Variants in TTC6 observed in about 807,000 individuals in gnomAD.
TTC6 encodes the protein tetratricopeptide repeat protein 6.
Under a neutral mutation model 210.4 loss-of-function variants are expected in TTC6, and 172 were observed. The observed-to-expected ratio is 0.82, with a 90% CI of 0.72 to 0.93. TTC6 has a LOEUF of 0.93. Ranked by LOEUF, TTC6 falls within the 40% of genes least tolerant of loss-of-function variation. TTC6 has a pLI of 0.00. For missense variants in TTC6, 2,414 were observed against 2,318.1 expected (o/e 1.04, Z -0.85); for synonymous variants, 804 against 819.6 (o/e 0.98, Z 0.32).
Position 37,831,915 on chromosome 14 carries a change from A to T in TTC6, c.5298+4549A>T, listed in dbSNP as rs549631188. Among the ~76,000 whole-genome samples, 17 of 152,190 alleles carry T rather than the reference A, an allele frequency of 1.1e-4. No individual in the cohort carries two copies. The South Asian group carries it at 2.9e-3, about 26-fold the overall frequency. ...CACCCTGTTGATTATTGCCATTCCT[A>T]TGCAGAAGCTTTTTCAGCTTGATAT... On this transcript the variant is annotated intron_variant, in intron 29 of 30. Transcript: ENST00000553443.
chr14:37,771,587 T>C (rs1166869413), intron 14 of TTC6, among the ~76,000 whole-genome samples: 1 of 152,206 alleles, frequency 6.6e-6, no homozygotes, highest in Non-Finnish European at 1.5e-5. Context: ...TTCTTCCAGT[T>C]GATTGCATTG....
At chr14:37,657,346 A>AT (rs1293942204) in intron 1 of TTC6, among the ~76,000 whole-genome samples, 3 of 131,854 alleles carry the variant, frequency 2.3e-5, no homozygotes, top group Admixed American at 2.2e-4. Flanking sequence ...GAAGCTTTCT[A>AT]TTTAAAAAAA....
chr14:37,773,424 G>C (rs922551998), intron 14 of TTC6, among the ~76,000 whole-genome samples: 4 of 152,052 alleles, frequency 2.6e-5, no homozygotes, highest in Non-Finnish European at 5.9e-5. Context: ...TTTTTATCTT[G>C]AGTTGATTTT....
At chr14:37,661,857 T>C (rs923557001) in intron 1 of TTC6, among the ~76,000 whole-genome samples, 7 of 152,192 alleles carry the variant, frequency 4.6e-5, no homozygotes, top group Non-Finnish European at 8.8e-5. Flanking sequence ...CAGTGGTTTG[T>C]AGTTCTCCTT....
intron 7 of TTC6, among the ~76,000 whole-genome samples, chr14:37,734,999 G>C (rs932019506): frequency 1.3e-5 from 2 of 151,920 alleles, no homozygotes; most frequent in Admixed American, 1.3e-4. Context: ...GAAAATCCCT[G>C]GTATACCATG....
chr14:37,669,004 CT>C (rs1479319022), intron 1 of TTC6, among the ~76,000 whole-genome samples: 1 of 152,204 alleles, frequency 6.6e-6, no homozygotes, highest in Non-Finnish European at 1.5e-5. Flanking sequence ...TGATAAGAGT[CT>C]GTTTCTGATG....
intron 14 of TTC6, among the ~76,000 whole-genome samples, chr14:37,785,906 G>T (rs1342344043): frequency 1.3e-5 from 2 of 152,150 alleles, no homozygotes; most frequent in Admixed American, 1.3e-4. Context: ...GATGCTGTTT[G>T]CCTGGGTATC....
At chr14:37,692,763 G>C (rs1056589145) in intron 3 of TTC6, among the ~76,000 whole-genome samples, 1 of 151,942 alleles carries the variant, frequency 6.6e-6, no homozygotes, top group Non-Finnish European at 1.5e-5. Context: ...GGAGGCTGAG[G>C]CTGGAGAATT....
At chr14:37,819,882 T>C (rs541460821) in intron 26 of TTC6, among the ~76,000 whole-genome samples, 12 of 152,358 alleles carry the variant, frequency 7.9e-5, no homozygotes, top group Admixed American at 2.0e-4. Context: ...CATGATCCCT[T>C]GTTCACAGAA....
At chr14:37,798,548 A>G (rs1471676428) in intron 20 of TTC6, among the ~76,000 whole-genome samples, 1 of 151,986 alleles carries the variant, frequency 6.6e-6, no homozygotes, top group Admixed American at 6.6e-5. Context: ...TGTCATCTAT[A>G]AATAATAATA....
At chr14:37,748,347 A>G (rs1359810853) in intron 10 of TTC6, among the ~76,000 whole-genome samples, 2 of 152,220 alleles carry the variant, frequency 1.3e-5, no homozygotes, top group Admixed American at 1.3e-4. Flanking sequence ...CGTATTTCCT[A>G]TGGCTAGTAC....
intron 17 of TTC6, 118 bp from the exon 20 acceptor site, chr14:37,795,152 A>T: frequency 1.9e-6 from 1 of 515,710 alleles, no homozygotes; most frequent in South Asian, 4.0e-5. Flanking sequence ...CTTAAGAAAA[A>T]CATGTATGTT....
intron 10 of TTC6, among the ~76,000 whole-genome samples, chr14:37,739,621 G>GAT (rs2095912597): frequency 6.6e-6 from 1 of 150,382 alleles, no homozygotes; most frequent in Admixed American, 6.6e-5. Context: ...AAAATATATG[G>GAT]ATATCTCTTA....
intron 12 of TTC6, among the ~76,000 whole-genome samples, chr14:37,750,179 T>C (rs905587265): frequency 6.6e-6 from 1 of 152,206 alleles, no homozygotes; most frequent in Non-Finnish European, 1.5e-5. Context: ...TGATCACATC[T>C]CTCTGAGTTA....
At chr14:37,602,070 C>T (rs189302281) in intron 1 of TTC6, among the ~76,000 whole-genome samples, 1 of 152,208 alleles carries the variant, frequency 6.6e-6, no homozygotes, top group Non-Finnish European at 1.5e-5. Context: ...GCTGCGCACC[C>T]GGCTTAGAGC....
At chr14:37,652,843 A>G (rs537448722) in intron 1 of TTC6, among the ~76,000 whole-genome samples, 18 of 152,326 alleles carry the variant, frequency 1.2e-4, no homozygotes, top group Non-Finnish European at 2.1e-4. Flanking sequence ...GCTTCCCAAC[A>G]TAGCTAATTA....
At chr14:37,660,164 G>A (rs531400852) in intron 1 of TTC6, among the ~76,000 whole-genome samples, 1 of 150,738 alleles carries the variant, frequency 6.6e-6, no homozygotes, top group Non-Finnish European at 1.5e-5. Flanking sequence ...TTGTCATCAT[G>A]AAATCTTTGG....
In TTC6 at chr14:37,790,008, A is replaced by G. The variant is rs930041669; in HGVS notation, c.3437-709A>G. Among the ~76,000 whole-genome samples, 11 of 152,102 alleles carry G rather than the reference A, an allele frequency of 7.2e-5. 1 individual carries two copies. Among genetic ancestry groups the G allele is most frequent in the Middle Eastern group, 6.3e-3 (2 of 316 alleles). On this transcript the variant is annotated intron_variant, in intron 15 of 30. Transcript: ENST00000553443. ...AACATGTTTTGAAAGTGAAGGGGCAATCAGTAGGCGAGAGACATGAGATGA... is the reference window on the plus strand; with the variant it reads ...AACATGTTTTGAAAGTGAAGGGGCAGTCAGTAGGCGAGAGACATGAGATGA...
chr14:37,645,131 A>G (rs763494918), intron 1 of TTC6, among the ~76,000 whole-genome samples: 2 of 152,204 alleles, frequency 1.3e-5, no homozygotes, highest in Non-Finnish European at 2.9e-5. Context: ...AGCTTTGTGC[A>G]TTATGGTACT....
Sources: allele counts gnomAD v4.1 joint callset (sites outside exome capture counted in the v4.1 genomes callset), GRCh38; gene constraint gnomAD v4.1.1; transcripts MANE v1.5; gene names NCBI Gene and HGNC (gene_info 2026-07-23, HGNC 2026-07-21).